SORCS1: variants seen among roughly 807,000 people sequenced by gnomAD.
The protein encoded by SORCS1 is VPS10 domain-containing receptor SorCS1.
SORCS1 carries 60 observed loss-of-function variants against 146.1 expected under a neutral mutation model. The observed-to-expected ratio is 0.41, with a 90% CI of 0.33 to 0.51. The LOEUF is 0.51. Among genes scored for constraint, SORCS1 ranks in the 20% least tolerant of loss-of-function variants. The pLI is 0.21. For missense variants in SORCS1, 1,352 were observed against 1,487.6 expected, an observed-to-expected ratio of 0.91 and a Z score of 1.50; for synonymous variants, 637 against 584.0, an observed-to-expected ratio of 1.09 and a Z score of -1.31.
chr10:106,639,509 G>A (rs576443169), intron 18 of SORCS1, among the ~76,000 whole-genome samples: 3 of 152,204 alleles, frequency 2.0e-5, no homozygotes, highest in Admixed American at 6.5e-5. Context: ...GACTTAGAAA[G>A]AGTTGCTAAC....
At chr10:106,582,954 G>C (rs1294562496) in intron 24 of SORCS1, among the ~76,000 whole-genome samples, 2 of 152,188 alleles carry the variant, frequency 1.3e-5, no homozygotes, top group African/African-American at 4.8e-5. Flanking sequence ...TTGTATGTAT[G>C]AGAACAAATT....
chr10:106,969,903 C>T (rs1955683651), intron 1 of SORCS1: 1 of 152,216 alleles, frequency 6.6e-6, no homozygotes, highest in African/African-American at 2.4e-5. Context: ...ATTAGATGCT[C>T]ATTAAGCCTT....
chr10:106,741,326 T>C (rs1421794666), intron 5 of SORCS1, among the ~76,000 whole-genome samples: 3 of 152,198 alleles, frequency 2.0e-5, no homozygotes, highest in African/African-American at 7.2e-5. Flanking sequence ...AAGCCAGACG[T>C]GATGACTCAC....
At chr10:107,098,279 T>G (rs1964671629) in intron 1 of SORCS1, among the ~76,000 whole-genome samples, 1 of 152,186 alleles carries the variant, frequency 6.6e-6, no homozygotes, top group East Asian at 1.9e-4. Context: ...CCAACTTAGC[T>G]CCTGAGTCTC....
intron 1 of SORCS1, among the ~76,000 whole-genome samples, chr10:107,133,754 C>A (rs1967044745): frequency 6.6e-6 from 1 of 152,150 alleles, no homozygotes; most frequent in Admixed American, 6.5e-5. Flanking sequence ...TTGCAGTTTT[C>A]TAACATTCAG....
chr10:106,810,450 A>G (rs911816511), intron 3 of SORCS1, among the ~76,000 whole-genome samples: 1 of 152,342 alleles, frequency 6.6e-6, no homozygotes, highest in Admixed American at 6.5e-5. Flanking sequence ...CTTTGTATCT[A>G]ATAAGCCTAT....
chr10:107,180,522 T>G, the SORCS1 span, among the ~76,000 whole-genome samples: 3 of 152,148 alleles, frequency 2.0e-5, no homozygotes, highest in African/African-American at 7.2e-5. Context: ...TCTCTTTTTT[T>G]CCTTTGTTGG....
chr10:107,115,464 A>G (rs746469995), intron 1 of SORCS1, among the ~76,000 whole-genome samples: 12 of 152,118 alleles, frequency 7.9e-5, no homozygotes, highest in Non-Finnish European at 1.6e-4. Flanking sequence ...ATATGTCGTC[A>G]ACTAATCTTT....
At chr10:106,961,448 C>T (rs188888448) in intron 1 of SORCS1, among the ~76,000 whole-genome samples, 1 of 152,300 alleles carries the variant, frequency 6.6e-6, no homozygotes, top group East Asian at 1.9e-4. Flanking sequence ...TGGTAGAGAA[C>T]CAAAATTTTT....
chr10:106,722,561 C>T (rs1855858756), intron 6 of SORCS1, among the ~76,000 whole-genome samples: 1 of 152,054 alleles, frequency 6.6e-6, no homozygotes, highest in African/African-American at 2.4e-5. Flanking sequence ...GGTTAAAGGG[C>T]CAAGGTTTGT....
intron 1 of SORCS1, among the ~76,000 whole-genome samples, chr10:107,136,409 A>G (rs1967305014): frequency 6.6e-6 from 1 of 152,182 alleles, no homozygotes; most frequent in Non-Finnish European, 1.5e-5. Context: ...GCCTACAACA[A>G]AAACACAATG....
At chr10:106,808,827 T>C (rs1300370559) in intron 3 of SORCS1, among the ~76,000 whole-genome samples, 1 of 152,174 alleles carries the variant, frequency 6.6e-6, no homozygotes, top group Non-Finnish European at 1.5e-5. Flanking sequence ...TTTCTGAATG[T>C]CTTTTGTTAG....
At chr10:106,681,055 C>G (rs1295520842) in intron 10 of SORCS1, among the ~76,000 whole-genome samples, 1 of 151,850 alleles carries the variant, frequency 6.6e-6, no homozygotes, top group Admixed American at 6.6e-5. Context: ...GTAAAGCTTT[C>G]AAAAAAAGGA....
At chr10:106,885,293 G>C (rs1359255664) in intron 2 of SORCS1, among the ~76,000 whole-genome samples, 1 of 144,780 alleles carries the variant, frequency 6.9e-6, no homozygotes, top group Non-Finnish European at 1.5e-5. Flanking sequence ...ATTGGGGGGG[G>C]GGAACTTGAA....
intron 4 of SORCS1, among the ~76,000 whole-genome samples, chr10:106,761,895 C>T (rs1187353269): frequency 2.0e-5 from 3 of 152,158 alleles, no homozygotes; most frequent in Admixed American, 6.5e-5. Context: ...GATTAACCGA[C>T]TTGTGAGAAA....
At chr10:106,817,383 A>G (rs2136875701) in intron 3 of SORCS1, among the ~76,000 whole-genome samples, 1 of 152,272 alleles carries the variant, frequency 6.6e-6, no homozygotes, top group East Asian at 1.9e-4. Flanking sequence ...AGTAGTAGAG[A>G]AAAAGATGAA....
chr10:107,102,081 T>C (rs1293199409), intron 1 of SORCS1, among the ~76,000 whole-genome samples: 1 of 152,236 alleles, frequency 6.6e-6, no homozygotes, highest in Non-Finnish European at 1.5e-5. Flanking sequence ...ATTTCTATCT[T>C]GGTCATCATT....
At chr10:106,977,400 G>C (rs936939764) in intron 1 of SORCS1, among the ~76,000 whole-genome samples, 2 of 152,004 alleles carry the variant, frequency 1.3e-5, no homozygotes, top group African/African-American at 2.4e-5. Flanking sequence ...TTGTAAATTT[G>C]TTTAAGTTCC....
chr10:106,986,424 C>T (rs867375056), intron 1 of SORCS1, among the ~76,000 whole-genome samples: 53 of 152,118 alleles, frequency 3.5e-4, no homozygotes, highest in Middle Eastern at 3.4e-3. Flanking sequence ...CATAGTCAAA[C>T]TGCTAAAATA....
Sources: allele counts gnomAD v4.1 joint callset (sites outside exome capture counted in the v4.1 genomes callset), GRCh38; gene constraint gnomAD v4.1.1; transcripts MANE v1.5; gene names NCBI Gene and HGNC (gene_info 2026-07-23, HGNC 2026-07-21).